Variants in GPC6 observed in about 807,000 individuals in gnomAD.
GPC6 encodes the protein glypican-6.
Under a neutral mutation model 55.2 loss-of-function variants are expected in GPC6, and 14 were observed. The observed-to-expected ratio is 0.25, with a 90% CI of 0.17 to 0.40. The LOEUF (loss-of-function observed/expected upper bound fraction) is 0.40. Among genes scored for constraint, GPC6 ranks in the 10% least tolerant of loss-of-function variants. The pLI is 1.00. For synonymous variants in GPC6, 278 were observed against 259.6 expected (o/e 1.07, Z -0.68); for missense variants, 641 against 708.5 (o/e 0.90, Z 1.08).
chr13:94,128,839 G>C (rs148002123), intron 4 of GPC6, among the ~76,000 whole-genome samples: 2 of 152,148 alleles, frequency 1.3e-5, no homozygotes, highest in Non-Finnish European at 2.9e-5. Context: ...AATCACAAAT[G>C]TGTCAAACAA....
At chr13:94,381,092 G>A (rs555183583) in intron 6 of GPC6, among the ~76,000 whole-genome samples, 5 of 152,266 alleles carry the variant, frequency 3.3e-5, no homozygotes, top group East Asian at 3.9e-4. Flanking sequence ...CTTGATGAAG[G>A]TGGCAGCCTG....
intron 4 of GPC6, among the ~76,000 whole-genome samples, chr13:94,058,812 C>A (rs781038290): frequency 9.9e-5 from 15 of 152,120 alleles, no homozygotes; most frequent in Non-Finnish European, 1.2e-4. Flanking sequence ...GTAGGTGAAG[C>A]CACACATCCA....
intron 4 of GPC6, among the ~76,000 whole-genome samples, chr13:94,174,610 A>G (rs1200019925): frequency 2.0e-5 from 3 of 152,162 alleles, no homozygotes; most frequent in Non-Finnish European, 4.4e-5. Context: ...AGAAAAAAAT[A>G]CAGACATTCT....
intron 4 of GPC6, among the ~76,000 whole-genome samples, chr13:94,170,237 A>G (rs1018675526): frequency 1.3e-5 from 2 of 152,220 alleles, no homozygotes; most frequent in African/African-American, 4.8e-5. Context: ...TTCTGATGCC[A>G]AGGAAGAGCA....
At chr13:93,296,842 G>T (rs1208452284) in intron 1 of GPC6, among the ~76,000 whole-genome samples, 1 of 152,188 alleles carries the variant, frequency 6.6e-6, no homozygotes, top group Non-Finnish European at 1.5e-5. Flanking sequence ...AATGCCTCAG[G>T]TACGAGGTGG....
intron 2 of GPC6, among the ~76,000 whole-genome samples, chr13:93,565,962 T>C (rs980328185): frequency 1.3e-5 from 2 of 149,870 alleles, no homozygotes; most frequent in Non-Finnish European, 3.0e-5. Context: ...AAAAAACACA[T>C]CTGGTCACTA....
intron 3 of GPC6, among the ~76,000 whole-genome samples, chr13:93,893,099 G>C (rs916173349): frequency 7.2e-6 from 1 of 138,268 alleles, no homozygotes; most frequent in Non-Finnish European, 1.5e-5. Context: ...TTCTCTCATC[G>C]CCCAGGCTGG....
chr13:93,695,258 G>A (rs988469735), intron 2 of GPC6, among the ~76,000 whole-genome samples: 1 of 151,976 alleles, frequency 6.6e-6, no homozygotes, highest in African/African-American at 2.4e-5. Flanking sequence ...AGCAGAATGA[G>A]AAATTGATTT....
At chr13:93,766,443 T>A (rs180901089) in intron 2 of GPC6, among the ~76,000 whole-genome samples, 461 of 152,292 alleles carry the variant, frequency 3.0e-3, no homozygotes, top group Middle Eastern at 0.01. Flanking sequence ...AACAATACTA[T>A]ATTGTGCATT....
At position 94,356,799 on chromosome 13, in the gene GPC6, G is replaced by T. The variant is rs1420563996; in HGVS notation, c.1153-25615G>T. Among the ~76,000 whole-genome samples, 7 of 152,184 alleles carry T rather than the reference G, an allele frequency of 4.6e-5. No homozygotes were observed. In the South Asian group the frequency reaches 1.2e-3, roughly 27 times the overall value. On this transcript the variant is annotated intron_variant, in intron 6 of 8. Transcript: ENST00000377047. ...CATCTGTAATCCAAGCTACTTGGAA[G>T]GTTGAGGCGGGAGGGTTGTTTGAGC... is the stretch of plus-strand genomic sequence containing the variant.
chr13:93,604,666 C>A (rs571868017), intron 2 of GPC6, among the ~76,000 whole-genome samples: 1 of 152,140 alleles, frequency 6.6e-6, no homozygotes, highest in East Asian at 1.9e-4. Context: ...TAGAAGTACG[C>A]TCTCTGCACG....
At position 93,310,590 on chromosome 13, in the gene GPC6, A is replaced by G. The variant is rs576495309; in HGVS notation, c.160+82974A>G. Among the ~76,000 whole-genome samples, 36 of 152,308 alleles carry G rather than the reference A, an allele frequency of 2.4e-4. 1 individual carries two copies. The South Asian group carries it at 7.5e-3, about 32-fold the overall frequency. ...CTTAAAGCCCTTCAAATATCCTTCA[A>G]ACCAGTCCCATAAGGAAAATCCTGT... is the stretch of plus-strand genomic sequence containing the variant. On this transcript the variant is annotated intron_variant, in intron 1 of 8. Coordinates refer to ENST00000377047, the MANE Select transcript of GPC6 (RefSeq NM_005708.5).
chr13:93,578,461 C>T (rs1437767378), intron 2 of GPC6, among the ~76,000 whole-genome samples: 1 of 151,820 alleles, frequency 6.6e-6, no homozygotes, highest in Non-Finnish European at 1.5e-5. Flanking sequence ...ATTTTCTTCT[C>T]AGTTTTCAAA....
At chr13:94,094,184 C>T (rs1885589425) in intron 4 of GPC6, among the ~76,000 whole-genome samples, 1 of 151,918 alleles carries the variant, frequency 6.6e-6, no homozygotes, top group Non-Finnish European at 1.5e-5. Context: ...AAAAATGAAA[C>T]AGCTGAAGTC....
At chr13:94,271,091 T>C (rs768554184) in intron 4 of GPC6, among the ~76,000 whole-genome samples, 30 of 142,536 alleles carry the variant, frequency 2.1e-4, no homozygotes, top group South Asian at 1.2e-3. Flanking sequence ...CCCAGGTTCA[T>C]GCCATTCTCC....
intron 2 of GPC6, among the ~76,000 whole-genome samples, chr13:93,747,143 A>C (rs1447602926): frequency 2.0e-5 from 3 of 152,186 alleles, no homozygotes; most frequent in East Asian, 1.9e-4. Flanking sequence ...TGGCAGAAGA[A>C]AGAAGTAAAG....
intron 1 of GPC6, among the ~76,000 whole-genome samples, chr13:93,446,735 G>C (rs546696558): frequency 6.6e-6 from 1 of 152,278 alleles, no homozygotes; most frequent in Non-Finnish European, 1.5e-5. Context: ...GTCTCTTGCT[G>C]TTAGATTCGA....
At chr13:93,744,526 G>GTTTT (rs1884319614) in intron 2 of GPC6, among the ~76,000 whole-genome samples, 9 of 36,752 alleles carry the variant, frequency 2.4e-4, no homozygotes, top group South Asian at 1.4e-3. Context: ...GCTTTCCCTA[G>GTTTT]TCTTTTTTTT....
intron 1 of GPC6, among the ~76,000 whole-genome samples, chr13:93,366,857 G>A (rs545849126): frequency 6.6e-6 from 1 of 151,964 alleles, no homozygotes; most frequent in African/African-American, 2.4e-5. Flanking sequence ...AATAAAATCA[G>A]GTAAGTCAAG....
Sources: gnomAD v4.1 joint callset for allele counts (sites outside exome capture counted in the v4.1 genomes callset) on GRCh38, gnomAD v4.1.1 for gene constraint, MANE v1.5 for transcripts, NCBI Gene and HGNC (gene_info 2026-07-23, HGNC 2026-07-21) for gene names.